The following FANCC variants were observed in gnomAD, a reference collection of about 807,000 sequenced individuals.
FANCC encodes the protein FA complementation group C.
Under a neutral mutation model 71.3 loss-of-function variants are expected in FANCC, and 55 were observed. That is an observed-to-expected ratio of 0.77 (90% CI 0.62 to 0.97). The LOEUF (loss-of-function observed/expected upper bound fraction) is 0.97. FANCC is among the 50% of genes least tolerant of loss of function. The pLI, the probability that FANCC is intolerant of heterozygous loss-of-function variation, is 0.00. For missense variants in FANCC, 678 were observed against 670.9 expected (o/e 1.01, Z -0.12); for synonymous variants, 275 against 244.9 (o/e 1.12, Z -1.15).
intron 4 of FANCC, among the ~76,000 whole-genome samples, chr9:95,235,246 A>T (rs1334042452): frequency 6.6e-6 from 1 of 152,168 alleles, no homozygotes; most frequent in Non-Finnish European, 1.5e-5. Context: ...TGAAGGTGGC[A>T]CCACAGATCA....
At position 95,240,666 on chromosome 9, in the gene FANCC, G is replaced by C. The variant is rs1554856102; in HGVS notation, c.328C>G (p.Leu110Val). 3 of 1,610,262 alleles carry C rather than the reference G, an allele frequency of 1.9e-6. No individual in the cohort carries two copies. Among genetic ancestry groups the C allele is most frequent in the Non-Finnish European group, 2.5e-6 (3 of 1,176,700 alleles). ...KEPQNSGQSKLNSWIQGVLSH... is the reference protein window; with the variant it reads ...KEPQNSGQSKVNSWIQGVLSH... Reference sequence around the variant, plus strand: ...TCTCTTACCTGTATCCAGGAGTTAAGTTTTGATTGTCCAGAATTCTGTGGT... The same window carrying C: ...TCTCTTACCTGTATCCAGGAGTTAACTTTTGATTGTCCAGAATTCTGTGGT... Residue 110 changes from leucine to valine, a missense_variant, in exon 4 of 15, where the codon CTT (leucine) becomes GTT (valine). Physicochemically the swap from Leu to Val is conservative, Grantham distance 32. Coordinates refer to ENST00000289081, the MANE Select transcript of FANCC (RefSeq NM_000136.3).
intron 5 of FANCC, among the ~76,000 whole-genome samples, 183 bp from the exon 6 acceptor site, chr9:95,171,326 T>C (rs1039231294): frequency 6.6e-6 from 1 of 152,174 alleles, no homozygotes; most frequent in Non-Finnish European, 1.5e-5. Flanking sequence ...TGGGATTTTA[T>C]GTTTAATGTC....
intron 7 of FANCC, 69 bp from the exon 8 acceptor site, chr9:95,135,571 T>C (rs1458929745): frequency 1.4e-6 from 2 of 1,388,266 alleles, no homozygotes; most frequent in Non-Finnish European, 2.0e-6. Context: ...TAAAAAAAGT[T>C]CAAAATGCAA....
chr9:95,137,791 T>C (rs976557908), intron 7 of FANCC, among the ~76,000 whole-genome samples: 16 of 152,076 alleles, frequency 1.1e-4, no homozygotes, highest in African/African-American at 2.7e-4. Context: ...CAGCTGCAGA[T>C]GGCAGGAGGC....
chr9:95,155,329 G>A, intron 6 of FANCC, among the ~76,000 whole-genome samples: 1 of 55,850 alleles, frequency 1.8e-5, no homozygotes, highest in Non-Finnish European at 3.6e-5. Flanking sequence ...GGGGAGGGGA[G>A]GAAGGAAGGG....
chr9:95,168,915 A>G (rs534772962), intron 6 of FANCC, among the ~76,000 whole-genome samples: 1 of 152,344 alleles, frequency 6.6e-6, no homozygotes, highest in East Asian at 1.9e-4. Context: ...CCCTTTACCC[A>G]GGGTATCCAT....
At chr9:95,149,769 A>T (rs1293484986) in intron 7 of FANCC, among the ~76,000 whole-genome samples, 154 bp downstream of exon 7, 2 of 151,862 alleles carry the variant, frequency 1.3e-5, no homozygotes, top group Non-Finnish European at 2.9e-5. Context: ...GTGAGCCACC[A>T]CACCTGGCCG....
chr9:95,242,479 CAAA>C (rs1162048314), intron 3 of FANCC, among the ~76,000 whole-genome samples: 2 of 56,238 alleles, frequency 3.6e-5, no homozygotes, highest in African/African-American at 6.6e-5. Flanking sequence ...CATTCACCAC[CAAA>C]AAAAAAAAAA....
chr9:95,190,177 A>G (rs1267576988), intron 4 of FANCC, among the ~76,000 whole-genome samples: 1 of 151,838 alleles, frequency 6.6e-6, no homozygotes, highest in Non-Finnish European at 1.5e-5. Flanking sequence ...CACACCCCCC[A>G]TGTCCTGTCT....
chr9:95,215,355 G>A (rs1828794412), intron 4 of FANCC, among the ~76,000 whole-genome samples: 1 of 152,166 alleles, frequency 6.6e-6, no homozygotes, highest in South Asian at 2.1e-4. Context: ...GAAGGTGGTA[G>A]GAGAGGAGGA....
At chr9:95,163,592 G>A (rs1300890332) in intron 6 of FANCC, among the ~76,000 whole-genome samples, 11 of 152,202 alleles carry the variant, frequency 7.2e-5, no homozygotes. Context: ...GCTTACACCT[G>A]TAATCCCAGA....
chr9:95,188,656 C>T (rs939724903), intron 4 of FANCC, among the ~76,000 whole-genome samples: 2 of 152,204 alleles, frequency 1.3e-5, no homozygotes, highest in Admixed American at 1.3e-4. Flanking sequence ...CATGGCAGTC[C>T]GAAACACGTC....
At chr9:95,284,863 CACACACACACACAT>C (rs1048910728) in intron 1 of FANCC, among the ~76,000 whole-genome samples, 2 of 113,954 alleles carry the variant, frequency 1.8e-5, no homozygotes, top group African/African-American at 7.7e-5. Context: ...CTCTCTCTCA[CACACACACACACAT>C]ACACACACAC....
At chr9:95,250,999 G>A (rs145527724) in intron 1 of FANCC, among the ~76,000 whole-genome samples, 3 of 152,278 alleles carry the variant, frequency 2.0e-5, no homozygotes, top group East Asian at 1.9e-4. Context: ...CTCCAGCACC[G>A]TCTCTGACAG....
rs756684704 is a variant in FANCC, at chr9:95,249,202, G to T, written c.90C>A (p.Thr30=). 1.9e-6 allele frequency: 3 copies of T among 1,614,092 alleles called. No homozygotes were observed. The Admixed American group carries it at 5.0e-5, about 27-fold the overall frequency. ...CCACGTGAAGACAGGTGTCTTGCTGGGTTTCCAAAGTGGAAGCCTGATCCC... is the reference window on the plus strand; with the variant it reads ...CCACGTGAAGACAGGTGTCTTGCTGTGTTTCCAAAGTGGAAGCCTGATCCC... ...SVWDQASTLE[T]QQDTCLHVAQ... is the part of the protein sequence containing the mutation. Residue 30 remains threonine (T), a synonymous_variant, in exon 2 of 15, where the codon ACC becomes ACA. Coordinates refer to ENST00000289081, the MANE Select transcript of FANCC (RefSeq NM_000136.3).
chr9:95,284,969 CAA>C (rs548203293), intron 1 of FANCC, among the ~76,000 whole-genome samples: 101 of 149,810 alleles, frequency 6.7e-4, no homozygotes, highest in African/African-American at 2.4e-3. Context: ...AAATCTGAGC[CAA>C]GGAATAAGGG....
chr9:95,139,739 G>A (rs900087504), intron 7 of FANCC, among the ~76,000 whole-genome samples: 2 of 151,060 alleles, frequency 1.3e-5, no homozygotes, highest in Non-Finnish European at 2.9e-5. Flanking sequence ...ATGGCTACCA[G>A]AATTACTGCA....
At chr9:95,166,557 A>G (rs1831081354) in intron 6 of FANCC, among the ~76,000 whole-genome samples, 3 of 152,170 alleles carry the variant, frequency 2.0e-5, no homozygotes. Flanking sequence ...ATCTATCAAC[A>G]CAGTTTAATA....
intron 4 of FANCC, among the ~76,000 whole-genome samples, chr9:95,238,546 T>C (rs928646546): frequency 6.6e-6 from 1 of 151,950 alleles, no homozygotes; most frequent in Non-Finnish European, 1.5e-5. Context: ...ATGATATCTC[T>C]GGCTTTTTTT....
Sources: allele counts gnomAD v4.1 joint callset (sites outside exome capture counted in the v4.1 genomes callset), GRCh38; gene constraint gnomAD v4.1.1; transcripts MANE v1.5; gene names NCBI Gene and HGNC (gene_info 2026-07-23, HGNC 2026-07-21).